Variants in SCTR observed in about 807,000 individuals in gnomAD.
The protein encoded by SCTR is pancreatic secretin receptor.
In SCTR, 56 loss-of-function variants were observed where a neutral mutation model predicts 60.8. The observed-to-expected ratio is 0.92, with a 90% CI of 0.74 to 1.15. The LOEUF is 1.15. SCTR is among the 50% of genes most tolerant of loss of function. The probability of loss-of-function intolerance (pLI) is 0.00; values close to 1 mark genes in which losing one functional copy is unlikely to be tolerated. For synonymous variants in SCTR, 202 were observed against 217.0 expected (o/e 0.93, Z 0.61); for missense variants, 562 against 550.4 (o/e 1.02, Z -0.21).
intron 3 of SCTR, chr2:119,476,796 T>C (rs1264713840): frequency 2.0e-5 from 3 of 152,300 alleles, no homozygotes; most frequent in Non-Finnish European, 4.4e-5. Context: ...CGGTCAGCTG[T>C]GGAGGAGCAC....
chr2:119,512,482 T>C (rs1678988707), intron 1 of SCTR, among the ~76,000 whole-genome samples: 1 of 152,114 alleles, frequency 6.6e-6, no homozygotes, highest in Admixed American at 6.6e-5. Context: ...CTGCATCCTC[T>C]GCCTCCCAGG....
intron 11 of SCTR, among the ~76,000 whole-genome samples, chr2:119,442,300 C>T (rs1388466920): frequency 6.6e-6 from 1 of 152,212 alleles, no homozygotes; most frequent in Non-Finnish European, 1.5e-5. Context: ...GGCTGGGGCG[C>T]CTGCTTGGAG....
chr2:119,508,383 C>CTTCTT (rs1678823151), intron 1 of SCTR, among the ~76,000 whole-genome samples: 2 of 77,378 alleles, frequency 2.6e-5, no homozygotes, highest in African/African-American at 5.4e-5. Flanking sequence ...TCTTCTTCTT[C>CTTCTT]TTTTTTTTTT....
At chr2:119,485,246 T>C (rs11900297) in intron 2 of SCTR, among the ~76,000 whole-genome samples, 5,566 of 152,296 alleles carry the variant, frequency 0.037, 339 homozygotes, top group African/African-American at 0.13. Context: ...AAAGTTCTAT[T>C]TTTGCCCAAA....
chr2:119,445,834 C>T (rs1045017864), intron 11 of SCTR, among the ~76,000 whole-genome samples: 1 of 152,218 alleles, frequency 6.6e-6, no homozygotes, highest in Non-Finnish European at 1.5e-5. Flanking sequence ...TGACCCATCT[C>T]TCCCTCCTGT....
chr2:119,475,607 T>C (rs1677240403), intron 3 of SCTR, among the ~76,000 whole-genome samples: 1 of 147,242 alleles, frequency 6.8e-6, no homozygotes, highest in Admixed American at 6.8e-5. Context: ...TTTGTGCATA[T>C]ATATATATAT....
chr2:119,503,158 C>CA (rs61479294), intron 1 of SCTR, among the ~76,000 whole-genome samples: 6,981 of 69,228 alleles, frequency 0.1, 360 homozygotes, highest in Non-Finnish European at 0.14. Flanking sequence ...GACTCCATCT[C>CA]AAAAAAAAAA....
chr2:119,453,363 A>G lies in SCTR; in HGVS notation c.791-16T>C, dbSNP rs750417858. On this transcript the variant is annotated splice_polypyrimidine_tract_variant and intron_variant, in intron 7 of 12. Transcript: ENST00000019103. ...GCTGGAGAACCTGAGGATTAAAAAC[A>G]AAGGGAGGGGCAGAAGAGAGAGGAC... The G allele has an allele frequency of 6.2e-7, 1 of 1,606,348 alleles. No individual in the cohort carries two copies. The highest frequency in any genetic ancestry group is 1.7e-5 in the Admixed American group (1 of 59,990).
intron 2 of SCTR, among the ~76,000 whole-genome samples, chr2:119,488,999 C>T (rs956380663): frequency 6.6e-6 from 1 of 152,120 alleles, no homozygotes; most frequent in Non-Finnish European, 1.5e-5. Flanking sequence ...GACCCTCTGC[C>T]GCCACGGGGA....
chr2:119,463,844 A>G (rs781660997), intron 6 of SCTR, among the ~76,000 whole-genome samples: 3 of 151,894 alleles, frequency 2.0e-5, no homozygotes, highest in Non-Finnish European at 2.9e-5. Context: ...GTCTCCCTAT[A>G]TATCTAATTC....
intron 1 of SCTR, among the ~76,000 whole-genome samples, chr2:119,508,991 G>C (rs1396584227): frequency 1.3e-5 from 2 of 152,208 alleles, no homozygotes; most frequent in Non-Finnish European, 2.9e-5. Flanking sequence ...GAAGTATGCT[G>C]TAGTTACAAG....
intron 1 of SCTR, among the ~76,000 whole-genome samples, chr2:119,521,477 A>T (rs989502528): frequency 1.3e-5 from 2 of 152,154 alleles, no homozygotes; most frequent in South Asian, 4.1e-4. Flanking sequence ...ATGTGTTAGT[A>T]AATAATTACA....
chr2:119,478,734 C>T, intron 3 of SCTR, 77 bp downstream of exon 3: 1 of 1,391,106 alleles, frequency 7.2e-7, no homozygotes, highest in Non-Finnish European at 1.0e-6. Context: ...TCCTTGGCCT[C>T]CTGCCTCTAA....
At chr2:119,455,916 G>T (rs956042969) in intron 7 of SCTR, among the ~76,000 whole-genome samples, 5 of 152,160 alleles carry the variant, frequency 3.3e-5, no homozygotes, top group Non-Finnish European at 7.3e-5. Flanking sequence ...GCACATCCCT[G>T]TGACATTTCA....
At chr2:119,466,246 T>C (rs1159285585) in intron 4 of SCTR, among the ~76,000 whole-genome samples, 1 of 152,194 alleles carries the variant, frequency 6.6e-6, no homozygotes, top group Non-Finnish European at 1.5e-5. Context: ...TAGCACAAAA[T>C]ATTAGATTTT....
Position 119,524,210 on chromosome 2 carries a change from G to A in SCTR, c.17C>T (p.Ser6Leu), listed in dbSNP as rs1271057752. 1 of 1,511,016 alleles carries A rather than the reference G, an allele frequency of 6.6e-7. No homozygotes were observed. Among genetic ancestry groups the A allele is most frequent in the Admixed American group, 2.1e-5 (1 of 47,354 alleles). The allele number at this position is 1,511,016 out of a possible 1,614,324, so 93.6% of individuals were successfully genotyped here. The change falls in exon 1 of 13, where the codon TCG becomes TTG. Residue 6 changes from serine to leucine, a missense_variant. Transcript: ENST00000019103. Reference protein sequence around the residue: MRPHLSPPLQQLLLPV... With the variant: MRPHLLPPLQQLLLPV... ...CAGTAGTAGCTGCTGCAGCGGCGGC[G>A]ACAGGTGGGGACGCATGGTGCCCGC...
intron 3 of SCTR, 96 bp from the exon 4 acceptor site, chr2:119,473,652 CTA>C: frequency 1.3e-6 from 1 of 796,442 alleles, no homozygotes; most frequent in East Asian, 2.5e-5. Context: ...TACAACCACT[CTA>C]TAGTGTGGAA....
At chr2:119,514,536 G>C (rs566026879) in intron 1 of SCTR, among the ~76,000 whole-genome samples, 3 of 152,278 alleles carry the variant, frequency 2.0e-5, no homozygotes, top group Admixed American at 2.0e-4. Context: ...GGACTCTTAA[G>C]TCAAGATGGC....
rs776252949 is a variant in SCTR at position 119,464,281 on chromosome 2, A to G, written c.504-26T>C. The G allele has an allele frequency of 2.5e-6, 4 of 1,613,886 alleles. No homozygotes were observed. In the East Asian group the frequency reaches 6.7e-5, roughly 27 times the overall value. Reference sequence around the variant, plus strand: ...CTGCAGGGAGAGAATGTAGGGACATAGAGGCCAGAGCCTGAGGGGCTGGGA... The same window carrying G: ...CTGCAGGGAGAGAATGTAGGGACATGGAGGCCAGAGCCTGAGGGGCTGGGA... On this transcript the variant is annotated intron_variant, in intron 5 of 12. Transcript: ENST00000019103.
Sources: gnomAD v4.1 joint callset for allele counts (sites outside exome capture counted in the v4.1 genomes callset) on GRCh38, gnomAD v4.1.1 for gene constraint, MANE v1.5 for transcripts, NCBI Gene and HGNC (gene_info 2026-07-23, HGNC 2026-07-21) for gene names.